IMMP2L: variants seen among roughly 807,000 people sequenced by gnomAD.
IMMP2L encodes the protein inner mitochondrial membrane peptidase subunit 2, also known as mitochondrial inner membrane protease subunit 2.
Under a neutral mutation model 19.3 loss-of-function variants are expected in IMMP2L, and 18 were observed. The observed-to-expected ratio is 0.93, with a 90% CI of 0.64 to 1.38. The LOEUF (loss-of-function observed/expected upper bound fraction) is 1.38. Ranked by LOEUF, IMMP2L falls within the 40% of genes most tolerant of loss-of-function variation. The pLI is 0.00. For synonymous variants in IMMP2L, 76 were observed against 73.0 expected (o/e 1.04, Z -0.21); for missense variants, 233 against 218.2 (o/e 1.07, Z -0.43).
At chr7:111,384,568 G>A (rs1831550310) in intron 3 of IMMP2L, among the ~76,000 whole-genome samples, 1 of 152,002 alleles carries the variant, frequency 6.6e-6, no homozygotes, top group East Asian at 1.9e-4. Flanking sequence ...ATTGAAAGAA[G>A]ACAGAAAGAA....
chr7:111,556,037 C>CCCAAAGAAAT (rs1791306579), intron 1 of IMMP2L, among the ~76,000 whole-genome samples: 1 of 108,236 alleles, frequency 9.2e-6, no homozygotes, highest in Non-Finnish European at 1.8e-5. Context: ...TATATATATA[C>CCCAAAGAAAT]ATACCCAAAG....
At chr7:110,721,897 G>A (rs1362679815) in intron 5 of IMMP2L, among the ~76,000 whole-genome samples, 1 of 151,936 alleles carries the variant, frequency 6.6e-6, no homozygotes, top group Non-Finnish European at 1.5e-5. Context: ...GAAAGAGAGA[G>A]AAAGAGGAAC....
At chr7:111,071,699 C>T (rs1305816611) in intron 3 of IMMP2L, among the ~76,000 whole-genome samples, 3 of 151,756 alleles carry the variant, frequency 2.0e-5, no homozygotes, top group African/African-American at 7.3e-5. Context: ...AGACAAAAAG[C>T]AGATGGGTAG....
intron 3 of IMMP2L, among the ~76,000 whole-genome samples, chr7:111,066,812 G>C (rs781659105): frequency 6.6e-5 from 10 of 152,080 alleles, no homozygotes; most frequent in Non-Finnish European, 1.2e-4. Flanking sequence ...ATTACGGTAG[G>C]GCCTGGTCAC....
intron 3 of IMMP2L, among the ~76,000 whole-genome samples, chr7:111,375,761 T>C (rs1225252619): frequency 6.6e-6 from 1 of 152,052 alleles, no homozygotes; most frequent in Non-Finnish European, 1.5e-5. Context: ...TCACCTCAAG[T>C]GATTCATCTG....
Position 110,902,479 on chromosome 7 carries a change from A to AATATATATATATATATATATATATATAT in IMMP2L, c.306-15785_306-15784insATATATATATATATATATATATATATAT, listed in dbSNP as rs67367468. 1.2e-3 allele frequency among the ~76,000 whole-genome samples: 162 copies of AATATATATATATATATATATATATATAT among 140,470 alleles called. 1 individual carries two copies. The highest frequency in any genetic ancestry group is 4.2e-3 in the African/African-American group (155 of 36,938). 92.2% of individuals were successfully genotyped at this position (140,470 alleles called of 152,430 possible). On this transcript the variant is annotated intron_variant, in intron 4 of 5. Transcript: ENST00000405709. ...AATATAAATATGTCATGAATGATAA[A>AATATATATATATATATATATATATATAT]ATATATATATATATATATATATAGT...
intron 4 of IMMP2L, among the ~76,000 whole-genome samples, chr7:110,918,120 T>C (rs953538132): frequency 1.3e-5 from 2 of 152,200 alleles, no homozygotes; most frequent in Non-Finnish European, 2.9e-5. Flanking sequence ...CAGGAATTTC[T>C]TTCCTTTCCT....
chr7:110,691,763 C>G (rs1451044647), intron 5 of IMMP2L, among the ~76,000 whole-genome samples: 1 of 152,200 alleles, frequency 6.6e-6, no homozygotes, highest in Non-Finnish European at 1.5e-5. Context: ...GAGATATCAC[C>G]TTACCCCAGC....
intron 3 of IMMP2L, among the ~76,000 whole-genome samples, chr7:110,970,360 A>T (rs1260950431): frequency 6.6e-6 from 1 of 152,118 alleles, no homozygotes; most frequent in Non-Finnish European, 1.5e-5. Flanking sequence ...CACCATCTAG[A>T]ATAATTTGTA....
At chr7:111,421,790 T>C (rs1835582161) in intron 3 of IMMP2L, among the ~76,000 whole-genome samples, 1 of 151,840 alleles carries the variant, frequency 6.6e-6, no homozygotes, top group African/African-American at 2.4e-5. Context: ...CATGAAGTCC[T>C]TGTCCATGCC....
At chr7:110,932,677 C>T (rs1318110137) in intron 4 of IMMP2L, among the ~76,000 whole-genome samples, 1 of 152,096 alleles carries the variant, frequency 6.6e-6, no homozygotes, top group South Asian at 2.1e-4. Context: ...TTTACATTCT[C>T]CAGTGACATT....
chr7:110,774,490 G>T (rs13246820), intron 5 of IMMP2L, among the ~76,000 whole-genome samples: 6 of 151,910 alleles, frequency 3.9e-5, no homozygotes, highest in Admixed American at 3.9e-4. Flanking sequence ...CACATATTAT[G>T]AAATAATATA....
intron 5 of IMMP2L, among the ~76,000 whole-genome samples, chr7:110,884,183 A>G (rs554241633): frequency 3.3e-5 from 5 of 152,144 alleles, no homozygotes; most frequent in African/African-American, 9.6e-5. Context: ...ACTATCTGCA[A>G]TAATCAGTTA....
intron 5 of IMMP2L, among the ~76,000 whole-genome samples, chr7:110,672,494 C>T (rs142495137): frequency 1.5e-3 from 234 of 152,226 alleles, no homozygotes; most frequent in Admixed American, 2.7e-3. Flanking sequence ...CAACAGTCCC[C>T]CAAAGTCTTA....
chr7:110,961,572 A>G (rs1262444738), intron 4 of IMMP2L, among the ~76,000 whole-genome samples: 1 of 151,732 alleles, frequency 6.6e-6, no homozygotes, highest in Non-Finnish European at 1.5e-5. Context: ...AGAAATGAGA[A>G]TATGTTTCCA....
intron 5 of IMMP2L, among the ~76,000 whole-genome samples, chr7:110,864,513 A>T (rs1378544968): frequency 6.6e-6 from 1 of 152,126 alleles, no homozygotes; most frequent in African/African-American, 2.4e-5. Context: ...TAATGTTCCA[A>T]GAATTATTTA....
At chr7:111,412,751 A>G (rs1834548987) in intron 3 of IMMP2L, among the ~76,000 whole-genome samples, 1 of 151,816 alleles carries the variant, frequency 6.6e-6, no homozygotes. Flanking sequence ...GATGGGAGAC[A>G]GAATTATTAA....
intron 3 of IMMP2L, among the ~76,000 whole-genome samples, chr7:111,166,341 A>T (rs1380821576): frequency 1.3e-5 from 2 of 152,044 alleles, no homozygotes; most frequent in Non-Finnish European, 2.9e-5. Context: ...TTATTTCACT[A>T]AGAAACTAGG....
intron 3 of IMMP2L, among the ~76,000 whole-genome samples, chr7:111,049,423 G>C (rs1045589098): frequency 2.0e-5 from 3 of 151,854 alleles, no homozygotes; most frequent in Non-Finnish European, 4.4e-5. Flanking sequence ...GAGCCACCGC[G>C]CCCGGCCGAT....
Sources: gnomAD v4.1 joint callset for allele counts (sites outside exome capture counted in the v4.1 genomes callset) on GRCh38, gnomAD v4.1.1 for gene constraint, MANE v1.5 for transcripts, NCBI Gene and HGNC (gene_info 2026-07-23, HGNC 2026-07-21) for gene names.